Variants in HIGD1A observed in about 807,000 individuals in gnomAD.
HIGD1A encodes the protein HIG1 hypoxia inducible domain family member 1A.
Under a neutral mutation model 11.3 loss-of-function variants are expected in HIGD1A, and 8 were observed. The observed-to-expected ratio is 0.71, with a 90% CI of 0.42 to 1.28. The LOEUF (loss-of-function observed/expected upper bound fraction) is 1.28, where lower values mean the gene tolerates loss of function less well. Ranked by LOEUF, HIGD1A falls within the 50% of genes most tolerant of loss-of-function variation. The probability of loss-of-function intolerance (pLI) is 0.01; values close to 1 mark genes in which losing one functional copy is unlikely to be tolerated. For missense variants in HIGD1A, 107 were observed against 118.8 expected (o/e 0.90, Z 0.46); for synonymous variants, 32 against 38.4 (o/e 0.83, Z 0.62).
At chr3:42,790,179 A>G (rs1700405767) in intron 2 of HIGD1A, among the ~76,000 whole-genome samples, 1 of 152,190 alleles carries the variant, frequency 6.6e-6, no homozygotes, top group South Asian at 2.1e-4. Flanking sequence ...TTAGGAAGAA[A>G]CTCTACTGGT....
At chr3:42,800,450 A>G (rs1429146038) in intron 1 of HIGD1A, among the ~76,000 whole-genome samples, 3 of 152,074 alleles carry the variant, frequency 2.0e-5, no homozygotes, top group Non-Finnish European at 4.4e-5. Flanking sequence ...ACCACATTAA[A>G]TATTTTTAAG....
At chr3:42,796,547 A>G (rs1437062909) in intron 1 of HIGD1A, among the ~76,000 whole-genome samples, 1 of 152,134 alleles carries the variant, frequency 6.6e-6, no homozygotes, top group Non-Finnish European at 1.5e-5. Flanking sequence ...ATAGAGAAAG[A>G]GCAATTCACC....
intron 1 of HIGD1A, among the ~76,000 whole-genome samples, chr3:42,794,892 C>T (rs538165916): frequency 1.3e-5 from 2 of 152,268 alleles, no homozygotes; most frequent in African/African-American, 2.4e-5. Context: ...TTCTACCTAG[C>T]TCATTATTTA....
rs1700322224 is a variant in HIGD1A at position 42,784,362 on chromosome 3, T to C, written c.*909A>G. On this transcript the variant is annotated 3_prime_UTR_variant, in exon 4 of 4. Coordinates refer to ENST00000321331, the MANE Select transcript of HIGD1A (RefSeq NM_014056.4). ...CATGTTAACACCATGGAATGCAAAT[T>C]CAGATTAGACAAGAGAATTTCACAA... 1 of 152,232 alleles carries C rather than the reference T, an allele frequency of 6.6e-6. No homozygotes were observed. 9.4% of individuals were successfully genotyped at this position (152,232 alleles called of 1,614,324 possible). A position where few individuals can be genotyped will look rare whatever the true frequency, so the allele number is the denominator to read the frequency against.
chr3:42,786,461 C>T (rs1039756188), intron 2 of HIGD1A, among the ~76,000 whole-genome samples: 15 of 152,142 alleles, frequency 9.9e-5, no homozygotes, highest in Admixed American at 6.5e-4. Context: ...ATTATCAGAA[C>T]GAAAGTGTGC....
chr3:42,801,722 G>C (rs1006501422), intron 1 of HIGD1A, among the ~76,000 whole-genome samples: 2 of 152,180 alleles, frequency 1.3e-5, no homozygotes, highest in African/African-American at 4.8e-5. Context: ...TGAGGTCTTA[G>C]TTCCTTGCAA....
chr3:42,785,805 T>A (rs1437441119), intron 3 of HIGD1A, among the ~76,000 whole-genome samples: 1 of 152,216 alleles, frequency 6.6e-6, no homozygotes, highest in African/African-American at 2.4e-5. Context: ...ATAAACTCAG[T>A]GATTGACAGG....
chr3:42,803,329 T>C (rs900102189), intron 1 of HIGD1A, among the ~76,000 whole-genome samples: 22 of 152,346 alleles, frequency 1.4e-4, no homozygotes, highest in Non-Finnish European at 2.9e-4. Context: ...ACAGTCATTT[T>C]GTCACGGGAA....
chr3:42,804,264 T>G (rs1004133118), intron 1 of HIGD1A, 172 bp downstream of exon 1: 1 of 1,531,840 alleles, frequency 6.5e-7, no homozygotes, highest in East Asian at 2.3e-5. Flanking sequence ...CATCCGCCCA[T>G]GCTCGAGGCC....
intron 3 of HIGD1A, among the ~76,000 whole-genome samples, chr3:42,785,726 G>GT (rs1700341547): frequency 6.6e-6 from 1 of 152,088 alleles, no homozygotes; most frequent in African/African-American, 2.4e-5. Flanking sequence ...AATAGCAATT[G>GT]TATGTCTCTC....
chr3:42,799,984 CTG>C (rs762147386), intron 1 of HIGD1A, among the ~76,000 whole-genome samples: 2 of 152,162 alleles, frequency 1.3e-5, no homozygotes, highest in Admixed American at 6.5e-5. Context: ...AGATTAAACA[CTG>C]TATTTATTTT....
In HIGD1A at chr3:42,783,488, G is replaced by C. The variant is rs184621775; in HGVS notation, c.*1783C>G. Among the ~76,000 whole-genome samples the C allele has an allele frequency of 2.6e-5, 4 of 152,146 alleles. No individual in the cohort carries two copies. The highest frequency in any genetic ancestry group is 2.6e-4 in the Admixed American group (4 of 15,272). ...AAATTAGCCCGACATGGTGGCGCAT[G>C]CCTGTAATCCCAGCTACTCGGAAGG... On this transcript the variant is annotated 3_prime_UTR_variant, in exon 4 of 4. Transcript: ENST00000321331.
chr3:42,787,456 G>C (rs1700364786), intron 2 of HIGD1A, among the ~76,000 whole-genome samples: 1 of 151,734 alleles, frequency 6.6e-6, no homozygotes, highest in African/African-American at 2.4e-5. Flanking sequence ...GCCGGGCATG[G>C]TGGCATGCGC....
In HIGD1A at chr3:42,784,619, T is replaced by C. The variant is rs1454464971; in HGVS notation, c.*652A>G. On this transcript the variant is annotated 3_prime_UTR_variant, in exon 4 of 4. Coordinates refer to ENST00000321331, the MANE Select transcript of HIGD1A (RefSeq NM_014056.4). ...AGATGACATTTAAAAATTATTCTAA[T>C]ATATCAGCAGCAAAAATATAATTTG... 6.6e-6 allele frequency: 1 copy of C among 152,628 alleles called. No homozygotes were observed. The highest frequency in any genetic ancestry group is 1.9e-4 in the East Asian group (1 of 5,196). The allele number at this position is 152,628 out of a possible 1,614,324, so 9.5% of individuals were successfully genotyped here.
At chr3:42,795,161 T>C (rs2125592811) in intron 1 of HIGD1A, among the ~76,000 whole-genome samples, 1 of 151,400 alleles carries the variant, frequency 6.6e-6, no homozygotes, top group East Asian at 1.9e-4. Flanking sequence ...TCCACCCACC[T>C]CAGCCTCCCA....
At chr3:42,787,590 C>CAAAAA (rs375399059) in intron 2 of HIGD1A, among the ~76,000 whole-genome samples, 24,674 of 115,668 alleles carry the variant, frequency 0.21, 3,527 homozygotes, top group Non-Finnish European at 0.28. Context: ...GACTCCATCT[C>CAAAAA]AAAAATATAT....
Position 42,792,149 on chromosome 3 carries a change from C to G in HIGD1A, c.97+2008G>C, listed in dbSNP as rs1362600100. Among the ~76,000 whole-genome samples the G allele has an allele frequency of 2.0e-5, 3 of 152,046 alleles. No homozygotes were observed. In the East Asian group the frequency reaches 5.8e-4, roughly 29 times the overall value. The stretch of plus-strand genomic sequence containing the variant: ...GAGTCGGGATCATAGGACATGGTAC[C>G]TTTCTGTTTTATGTACTTTTGCAAC... On this transcript the variant is annotated intron_variant, in intron 2 of 3. Transcript: ENST00000321331.
At chr3:42,785,997 C>T (rs368110707) in intron 3 of HIGD1A, 31 bp downstream of exon 3, 333 of 1,609,788 alleles carry the variant, frequency 2.1e-4, no homozygotes, top group Non-Finnish European at 2.6e-4. Flanking sequence ...TAATGAGAAA[C>T]GAAAATTTGA....
At chr3:42,786,700 TA>T (rs1700355917) in intron 2 of HIGD1A, among the ~76,000 whole-genome samples, 1 of 152,256 alleles carries the variant, frequency 6.6e-6, no homozygotes, top group Non-Finnish European at 1.5e-5. Context: ...TAGAGTTCTA[TA>T]CAGAGCCAAA....
Sources: gnomAD v4.1 joint callset for allele counts (sites outside exome capture counted in the v4.1 genomes callset) on GRCh38, gnomAD v4.1.1 for gene constraint, MANE v1.5 for transcripts, NCBI Gene and HGNC (gene_info 2026-07-23, HGNC 2026-07-21) for gene names.